Variants in AAGAB observed in about 807,000 individuals in gnomAD.
AAGAB encodes alpha- and gamma-adaptin-binding protein p34.
A neutral mutation model predicts 44.1 loss-of-function variants in AAGAB; 38 were observed. That is an observed-to-expected ratio of 0.86 (90% CI 0.67 to 1.13). AAGAB has a LOEUF of 1.13. Ranked by LOEUF, AAGAB falls within the 50% of genes most tolerant of loss-of-function variation. The pLI is 0.00. For synonymous variants in AAGAB, 131 were observed against 131.8 expected (o/e 0.99, Z 0.04); for missense variants, 450 against 373.8 (o/e 1.20, Z -1.68).
upstream of AAGAB, chr15:67,255,011 C>G (rs3743348): frequency 4.7e-6 from 7 of 1,495,370 alleles, no homozygotes; most frequent in East Asian, 1.6e-4. Context: ...CGAGGTCCCG[C>G]GCGCCGATTC....
At position 67,236,488 on chromosome 15, in the gene AAGAB, C is replaced by A; in HGVS notation, c.281G>T (p.Ser94Ile). Residue 94 changes from serine to isoleucine, a missense_variant, in exon 3 of 10, where the codon AGT becomes ATT. Ser to Ile is a moderately radical substitution (Grantham distance 142, BLOSUM62 -2). Transcript: ENST00000261880. ...FDSTQKSGLD[S>I]VSSWLPLAKA... ...TGCCAGTGGAAGCCATGAGGAGACACTATCAAGGCCCGATTTCTAGAGGGA... is the reference window on the plus strand; with the variant it reads ...TGCCAGTGGAAGCCATGAGGAGACAATATCAAGGCCCGATTTCTAGAGGGA... 1 of 1,613,978 alleles carries A rather than the reference C, an allele frequency of 6.2e-7. No homozygotes were observed. The highest frequency in any genetic ancestry group is 8.5e-7 in the Non-Finnish European group (1 of 1,179,964).
chr15:67,254,497 G>T, intron 1 of AAGAB, 62 bp downstream of exon 1: 1 of 1,533,740 alleles, frequency 6.5e-7, no homozygotes, highest in Non-Finnish European at 8.8e-7. Flanking sequence ...CCGTGGTGCT[G>T]GGTCCGTCGC....
chr15:67,242,347 C>G lies in AAGAB; in HGVS notation c.74-5527G>C, dbSNP rs12101793. Among the ~76,000 whole-genome samples the G allele has an allele frequency of 7.5e-3, 846 of 112,536 alleles. 54 individuals carry two copies. The highest frequency in any genetic ancestry group is 0.023 in the African/African-American group (797 of 34,460). The allele number at this position is 112,536 out of a possible 152,430, so 73.8% of individuals were successfully genotyped here. A position where few individuals can be genotyped will look rare whatever the true frequency, so the allele number is the denominator to read the frequency against. ...CTGAGGCAGGAGAATGGCGTGAACC[C>G]GGGAAGTGGAGCTTGCAGTGAGCCG... On this transcript the variant is annotated intron_variant, in intron 1 of 9. Transcript: ENST00000261880.
At chr15:67,241,630 T>C (rs1201662243) in intron 1 of AAGAB, among the ~76,000 whole-genome samples, 1 of 152,110 alleles carries the variant, frequency 6.6e-6, no homozygotes, top group Non-Finnish European at 1.5e-5. Flanking sequence ...CTTGGGCAGA[T>C]TAACCTCTCG....
intron 1 of AAGAB, among the ~76,000 whole-genome samples, chr15:67,241,127 T>TCCAC (rs1427114906): frequency 6.6e-6 from 1 of 151,954 alleles, no homozygotes; most frequent in Non-Finnish European, 1.5e-5. Flanking sequence ...TCCTCACCTA[T>TCCAC]CCACCTCAGC....
intron 1 of AAGAB, among the ~76,000 whole-genome samples, chr15:67,247,588 G>C (rs1964757648): frequency 1.3e-5 from 2 of 152,064 alleles, no homozygotes; most frequent in South Asian, 4.2e-4. Context: ...TTTTCCACTG[G>C]TATTTCTCCT....
At chr15:67,221,708 G>T (rs1471282471) in intron 5 of AAGAB, among the ~76,000 whole-genome samples, 1 of 152,160 alleles carries the variant, frequency 6.6e-6, no homozygotes, top group Non-Finnish European at 1.5e-5. Context: ...TCTCAGTTGA[G>T]AATCACTAGA....
At chr15:67,248,676 G>A (rs1226543469) in intron 1 of AAGAB, among the ~76,000 whole-genome samples, 1 of 152,162 alleles carries the variant, frequency 6.6e-6, no homozygotes, top group African/African-American at 2.4e-5. Context: ...GACAGACCTA[G>A]AAACAAATTC....
chr15:67,236,167 G>A (rs1368486547), intron 3 of AAGAB, 99 bp from the exon 4 acceptor site: 8 of 1,011,144 alleles, frequency 7.9e-6, no homozygotes, highest in Non-Finnish European at 1.0e-5. Flanking sequence ...TTCCCTTAAT[G>A]TCAATGTTAT....
At chr15:67,236,904 C>T in intron 1 of AAGAB, 84 bp from the exon 2 acceptor site, 1 of 1,125,636 alleles carries the variant, frequency 8.9e-7, no homozygotes, top group Non-Finnish European at 1.2e-6. Flanking sequence ...CCAGATAAAG[C>T]TGGTACTTTT....
chr15:67,213,201 C>T (rs765801253), intron 5 of AAGAB, among the ~76,000 whole-genome samples: 3 of 152,030 alleles, frequency 2.0e-5, no homozygotes, highest in Non-Finnish European at 4.4e-5. Context: ...AAGTTGACAC[C>T]AGTGGATGCA....
At chr15:67,216,442 G>GAAAA (rs60381455) in intron 5 of AAGAB, among the ~76,000 whole-genome samples, 1 of 52,158 alleles carries the variant, frequency 1.9e-5, no homozygotes, top group African/African-American at 8.4e-5. Context: ...ACTCACTCTT[G>GAAAA]AAAAAAAAAA....
At chr15:67,240,625 G>A (rs550885121) in intron 1 of AAGAB, among the ~76,000 whole-genome samples, 1 of 152,196 alleles carries the variant, frequency 6.6e-6, no homozygotes, top group East Asian at 1.9e-4. Context: ...TTAAGTGCAA[G>A]TATAAACCTC....
At chr15:67,253,070 T>C (rs1964911942) in intron 1 of AAGAB, among the ~76,000 whole-genome samples, 1 of 152,226 alleles carries the variant, frequency 6.6e-6, no homozygotes, top group Non-Finnish European at 1.5e-5. Context: ...AAATGTTTAC[T>C]ATGTGCCAGA....
intron 5 of AAGAB, among the ~76,000 whole-genome samples, chr15:67,210,040 C>T (rs1269116475): frequency 1.3e-5 from 2 of 151,986 alleles, no homozygotes; most frequent in East Asian, 3.9e-4. Context: ...AATAGCAGGG[C>T]CATTATGACA....
At chr15:67,203,618 A>C (rs760494051) in intron 8 of AAGAB, 21 bp from the exon 9 acceptor site, 2 of 1,610,968 alleles carry the variant, frequency 1.2e-6, no homozygotes, top group Admixed American at 3.3e-5. Context: ...AATATATCTT[A>C]AGAAATTTGT....
At chr15:67,214,934 C>G (rs970417452) in intron 5 of AAGAB, among the ~76,000 whole-genome samples, 1 of 151,756 alleles carries the variant, frequency 6.6e-6, no homozygotes, top group Non-Finnish European at 1.5e-5. Context: ...GCCACGGCAC[C>G]CGGCAGTCCT....
chr15:67,241,942 C>T (rs1964609465), intron 1 of AAGAB, among the ~76,000 whole-genome samples: 1 of 152,106 alleles, frequency 6.6e-6, no homozygotes, highest in South Asian at 2.1e-4. Context: ...TTTTCTTTTC[C>T]ACTGCTAAGG....
intron 5 of AAGAB, among the ~76,000 whole-genome samples, chr15:67,211,980 C>T (rs1963831865): frequency 6.6e-6 from 1 of 151,994 alleles, no homozygotes; most frequent in Admixed American, 6.6e-5. Flanking sequence ...CCTGGGTTCA[C>T]ACCATTCTCC....
Sources: gnomAD v4.1 joint callset for allele counts (sites outside exome capture counted in the v4.1 genomes callset) on GRCh38, gnomAD v4.1.1 for gene constraint, MANE v1.5 for transcripts, NCBI Gene and HGNC (gene_info 2026-07-23, HGNC 2026-07-21) for gene names.